The following TSEN2 variants were observed in gnomAD, a reference collection of about 807,000 sequenced individuals.
The protein encoded by TSEN2 is tRNA splicing endonuclease subunit 2.
In TSEN2, 54 loss-of-function variants were observed where a neutral mutation model predicts 59.2. That is an observed-to-expected ratio of 0.91 (90% CI 0.73 to 1.14). The LOEUF is 1.14. Among genes scored for constraint, TSEN2 ranks in the 50% most tolerant of loss-of-function variants. The pLI, the probability that TSEN2 is intolerant of heterozygous loss-of-function variation, is 0.00. For synonymous variants in TSEN2, 195 were observed against 198.2 expected (o/e 0.98, Z 0.14); for missense variants, 636 against 576.2 (o/e 1.10, Z -1.06).
intron 1 of TSEN2, among the ~76,000 whole-genome samples, chr3:12,486,712 G>A (rs910873122): frequency 1.3e-5 from 2 of 151,802 alleles, no homozygotes; most frequent in South Asian, 2.1e-4. Context: ...ATTAGCAGTC[G>A]CCCCCCCATT....
At chr3:12,532,223 T>C (rs533151082) in intron 11 of TSEN2, among the ~76,000 whole-genome samples, 1 of 152,286 alleles carries the variant, frequency 6.6e-6, no homozygotes, top group East Asian at 1.9e-4. Flanking sequence ...TGCTGGTCGG[T>C]CTCCAGGGCC....
chr3:12,505,889 C>T (rs924777053), intron 6 of TSEN2, among the ~76,000 whole-genome samples: 18 of 151,918 alleles, frequency 1.2e-4, no homozygotes, highest in African/African-American at 4.4e-4. Context: ...TGCTTGAGCC[C>T]AGGAGGTCAC....
In TSEN2 at chr3:12,504,248, AATATC is replaced by A. The variant is rs1409239480; in HGVS notation, c.831+467_831+471del. On this transcript the variant is annotated intron_variant, in intron 5 of 11. Transcript: ENST00000284995. ...GGGATATGAGATACCCATTCAAAGAAATATCATGTAGACTTAGAATGAGGTTTATG... is the reference window on the plus strand; with the variant it reads ...GGGATATGAGATACCCATTCAAAGAAATGTAGACTTAGAATGAGGTTTATG... 6.6e-5 allele frequency among the ~76,000 whole-genome samples: 10 copies of A among 152,318 alleles called. No individual in the cohort carries two copies. The East Asian group carries it at 1.5e-3, about 23-fold the overall frequency.
chr3:12,499,255 A>G (rs1450258920), intron 4 of TSEN2, among the ~76,000 whole-genome samples: 1 of 152,174 alleles, frequency 6.6e-6, no homozygotes, highest in Non-Finnish European at 1.5e-5. Context: ...ATGTCCCTGA[A>G]GGACCAGCCC....
At chr3:12,480,671 C>G (rs2052182493), upstream of TSEN2, among the ~76,000 whole-genome samples, 1 of 151,274 alleles carries the variant, frequency 6.6e-6, no homozygotes, top group Non-Finnish European at 1.5e-5. Flanking sequence ...GCTGGGATTA[C>G]AGGCGCATCA....
rs184199599 is a variant in TSEN2, at chr3:12,527,515, G to A, written c.1100-1373G>A. ...GTCGCCCAGGCTGGAGTGCAGTGGC[G>A]GGATCTCGGCTCACTGCAAGCTCCG... On this transcript the variant is annotated intron_variant, in intron 8 of 11. Coordinates refer to ENST00000284995, the MANE Select transcript of TSEN2 (RefSeq NM_025265.4). Among the ~76,000 whole-genome samples, 525 of 150,142 alleles carry A rather than the reference G, an allele frequency of 3.5e-3. 3 individuals are homozygous for A. Among genetic ancestry groups the A allele is most frequent in the African/African-American group, 0.012 (498 of 40,782 alleles).
chr3:12,529,635 T>TA (rs1407867280), intron 9 of TSEN2, 127 bp from the exon 10 acceptor site: 17 of 823,668 alleles, frequency 2.1e-5, no homozygotes, highest in Non-Finnish European at 3.1e-5. Context: ...AATAGCAATT[T>TA]AGGGGAATTT....
chr3:12,522,424 G>C (rs547197620), intron 8 of TSEN2, among the ~76,000 whole-genome samples: 24 of 152,128 alleles, frequency 1.6e-4, no homozygotes, highest in African/African-American at 4.3e-4. Flanking sequence ...CCCACACACA[G>C]AGTCAGACTG....
chr3:12,491,128 C>CT (rs2053172860), intron 2 of TSEN2, among the ~76,000 whole-genome samples: 1 of 152,050 alleles, frequency 6.6e-6, no homozygotes, highest in Admixed American at 6.5e-5. Flanking sequence ...GTAGTTGGGA[C>CT]TACAGGCGCA....
chr3:12,529,643 T>C, intron 9 of TSEN2, 119 bp from the exon 10 acceptor site: 1 of 899,774 alleles, frequency 1.1e-6, no homozygotes, highest in Non-Finnish European at 1.7e-6. Flanking sequence ...TTTAGGGGAA[T>C]TTAGAATCAG....
intron 4 of TSEN2, among the ~76,000 whole-genome samples, chr3:12,502,994 C>T (rs1353758812): frequency 6.6e-6 from 1 of 151,894 alleles, no homozygotes; most frequent in Non-Finnish European, 1.5e-5. Flanking sequence ...TTGCTTGAAC[C>T]CAGGAGGTGG....
upstream of TSEN2, among the ~76,000 whole-genome samples, chr3:12,481,669 G>A (rs1045460419): frequency 6.6e-6 from 1 of 152,116 alleles, no homozygotes; most frequent in Non-Finnish European, 1.5e-5. Flanking sequence ...TGCGAGTTCA[G>A]TGTTGATGAA....
At position 12,525,953 on chromosome 3, in the gene TSEN2, A is replaced by G. The variant is rs147717359; in HGVS notation, c.1100-2935A>G. On this transcript the variant is annotated intron_variant, in intron 8 of 11. Transcript: ENST00000284995. ...GCTACGATGTCATTAGGTGATAGGGATTTTTCAGCTCCGTTATAATCTTAT... is the reference window on the plus strand; with the variant it reads ...GCTACGATGTCATTAGGTGATAGGGGTTTTTCAGCTCCGTTATAATCTTAT... Among the ~76,000 whole-genome samples, 697 of 152,088 alleles carry G rather than the reference A, an allele frequency of 4.6e-3. 13 individuals are homozygous for G. Among genetic ancestry groups the G allele is most frequent in the East Asian group, 0.031 (159 of 5,156 alleles).
intron 4 of TSEN2, among the ~76,000 whole-genome samples, 181 bp from the exon 5 acceptor site, chr3:12,503,077 TAAAA>T (rs1289656091): frequency 2.0e-5 from 3 of 151,480 alleles, no homozygotes; most frequent in Admixed American, 6.6e-5. Flanking sequence ...CTCAAAAAAA[TAAAA>T]AAAGAAAGAA....
intron 2 of TSEN2, among the ~76,000 whole-genome samples, chr3:12,491,136 G>A (rs1476792178): frequency 2.0e-5 from 3 of 151,960 alleles, no homozygotes; most frequent in South Asian, 2.1e-4. Context: ...GACTACAGGC[G>A]CATGCCACCA....
chr3:12,510,382 T>C (rs10510423), intron 6 of TSEN2, among the ~76,000 whole-genome samples: 3 of 152,220 alleles, frequency 2.0e-5, no homozygotes, highest in Admixed American at 6.5e-5. Flanking sequence ...AACTCCAGTT[T>C]TAGAGGCTGC....
chr3:12,496,428 A>C, intron 3 of TSEN2, 90 bp from the exon 4 acceptor site: 1 of 1,388,582 alleles, frequency 7.2e-7, no homozygotes, highest in South Asian at 1.2e-5. Flanking sequence ...GATTTTGTGA[A>C]TCTTAAAATT....
intron 6 of TSEN2, among the ~76,000 whole-genome samples, chr3:12,508,450 G>A (rs2125082011): frequency 6.6e-6 from 1 of 152,226 alleles, no homozygotes; most frequent in South Asian, 2.1e-4. Context: ...CCTATGTTTG[G>A]TGCACTGCAT....
At position 12,505,525 on chromosome 3, in the gene TSEN2, A is replaced by G. The variant is rs1371179632; in HGVS notation, c.909+294A>G. 1.8e-5 allele frequency: 6 copies of G among 337,714 alleles called. No homozygotes were observed. The East Asian group carries it at 4.0e-4, about 23-fold the overall frequency. 20.9% of individuals were successfully genotyped at this position (337,714 alleles called of 1,614,324 possible). ...ATTGTTAGGCCGGGTGCGGGGGCTC[A>G]CACCTGTGATCCCAGCACTTTGGGA... On this transcript the variant is annotated intron_variant, in intron 6 of 11. Transcript: ENST00000284995.
Sources: gnomAD v4.1 joint callset for allele counts (sites outside exome capture counted in the v4.1 genomes callset) on GRCh38, gnomAD v4.1.1 for gene constraint, MANE v1.5 for transcripts, NCBI Gene and HGNC (gene_info 2026-07-23, HGNC 2026-07-21) for gene names.